The following DNAH11 variants were observed in gnomAD, a reference collection of about 807,000 sequenced individuals.
DNAH11 encodes the protein axonemal beta dynein heavy chain 11.
A neutral mutation model predicts 526.0 loss-of-function variants in DNAH11; 442 were observed. That is an observed-to-expected ratio of 0.84 (90% confidence interval 0.78 to 0.91). The LOEUF (loss-of-function observed/expected upper bound fraction) is 0.91, where lower values mean the gene tolerates loss of function less well. Ranked by LOEUF, DNAH11 falls within the 40% of genes least tolerant of loss-of-function variation. DNAH11 has a pLI of 0.00. For synonymous variants in DNAH11, 2,461 were observed against 1,935.9 expected (o/e 1.27, Z -7.12); for missense variants, 6,989 against 5,448.7 (o/e 1.28, Z -8.90).
At chr7:21,679,456 A>G (rs1187960184) in intron 30 of DNAH11, among the ~76,000 whole-genome samples, 1 of 152,214 alleles carries the variant, frequency 6.6e-6, no homozygotes, top group African/African-American at 2.4e-5. Flanking sequence ...TAGTTTCACA[A>G]TGTATACCTA....
At chr7:21,864,749 T>C (rs1210383166) in intron 70 of DNAH11, 92 bp downstream of exon 70, 1 of 1,247,262 alleles carries the variant, frequency 8.0e-7, no homozygotes, top group Non-Finnish European at 1.1e-6. Flanking sequence ...AGAATACAGG[T>C]GATGTATTAA....
chr7:21,589,102 G>T, intron 11 of DNAH11, 106 bp from the exon 12 acceptor site: 2 of 847,868 alleles, frequency 2.4e-6, no homozygotes, highest in Non-Finnish European at 3.3e-6. Context: ...TCTCTTCCTG[G>T]TTGTTTATAG....
intron 55 of DNAH11, among the ~76,000 whole-genome samples, 162 bp from the exon 56 acceptor site, chr7:21,773,604 A>C (rs898373351): frequency 6.6e-5 from 10 of 152,258 alleles, no homozygotes; most frequent in African/African-American, 2.4e-4. Context: ...TAATCTCCCA[A>C]ATCCTGTGGA....
intron 76 of DNAH11, among the ~76,000 whole-genome samples, chr7:21,889,681 C>A (rs368303599): frequency 2.0e-5 from 3 of 152,252 alleles, no homozygotes; most frequent in African/African-American, 7.2e-5. Context: ...TTCTCATTGG[C>A]CATTTGTGTA....
chr7:21,863,605 C>T (rs932418781), intron 69 of DNAH11, among the ~76,000 whole-genome samples: 2 of 151,996 alleles, frequency 1.3e-5, no homozygotes, highest in African/African-American at 4.8e-5. Context: ...GGATTACAGG[C>T]ATGAAATACT....
At chr7:21,679,503 A>G (rs1057170995) in intron 30 of DNAH11, among the ~76,000 whole-genome samples, 1 of 152,208 alleles carries the variant, frequency 6.6e-6, no homozygotes, top group African/African-American at 2.4e-5. Flanking sequence ...AAACGTATAC[A>G]ATTTTTGTTT....
At chr7:21,805,080 C>G (rs188617692) in intron 62 of DNAH11, among the ~76,000 whole-genome samples, 14 of 152,294 alleles carry the variant, frequency 9.2e-5, no homozygotes, top group Admixed American at 2.6e-4. Flanking sequence ...TTGTCAGGCC[C>G]TGCTGAAAGT....
At chr7:21,720,369 G>A (rs1323088263) in intron 43 of DNAH11, among the ~76,000 whole-genome samples, 1 of 151,624 alleles carries the variant, frequency 6.6e-6, no homozygotes, top group African/African-American at 2.4e-5. Context: ...TCAAGGAAGT[G>A]GATTATAGAA....
At chr7:21,794,898 G>C (rs1377431086) in intron 61 of DNAH11, among the ~76,000 whole-genome samples, 1 of 152,156 alleles carries the variant, frequency 6.6e-6, no homozygotes, top group Non-Finnish European at 1.5e-5. Flanking sequence ...AGTCTGGGGG[G>C]CATTTTCTAC....
chr7:21,602,810 T>C (rs1053686303), intron 18 of DNAH11, among the ~76,000 whole-genome samples: 5 of 152,228 alleles, frequency 3.3e-5, no homozygotes, highest in Non-Finnish European at 7.3e-5. Flanking sequence ...AAAATATGCC[T>C]CATGATCCCT....
intron 55 of DNAH11, among the ~76,000 whole-genome samples, chr7:21,773,383 CTT>C: frequency 6.9e-6 from 1 of 144,880 alleles, no homozygotes; most frequent in South Asian, 2.2e-4. Context: ...TATTGCTTCT[CTT>C]TGTCTAAAGC....
chr7:21,892,817 C>T, intron 77 of DNAH11, 150 bp downstream of exon 77: 2 of 927,890 alleles, frequency 2.2e-6, no homozygotes, highest in Non-Finnish European at 3.1e-6. Flanking sequence ...TTCCAACACT[C>T]CAGAAGGATA....
Position 21,738,825 on chromosome 7 carries a change from G to C in DNAH11, c.7770G>C (p.Gln2590His), listed in dbSNP as rs1785737740. ...AAGTGGACTTATATGGCACCGTTCA[G>C]CCTCACACCCTGATCCGGCAGCATA... ...MPEVDLYGTV[Q>H]PHTLIRQHID... The change falls in exon 47 of 82, where the codon CAG (glutamine) becomes CAC (histidine). Residue 2590 changes from glutamine to histidine, a missense_variant. By Grantham distance (24) the Gln-to-His change is conservative. Coordinates refer to ENST00000409508, the MANE Select transcript of DNAH11 (RefSeq NM_001277115.2). 6.2e-7 allele frequency: 1 copy of C among 1,606,004 alleles called. No individual in the cohort carries two copies. Among genetic ancestry groups the C allele is most frequent in the South Asian group, 1.1e-5 (1 of 88,744 alleles).
intron 20 of DNAH11, among the ~76,000 whole-genome samples, chr7:21,607,194 A>G (rs1256263650): frequency 6.6e-6 from 1 of 152,142 alleles, no homozygotes; most frequent in Non-Finnish European, 1.5e-5. Flanking sequence ...GCTGAAGAAC[A>G]TGGAGTCCAG....
chr7:21,613,702 G>T (rs1397692878), intron 20 of DNAH11, among the ~76,000 whole-genome samples: 1 of 152,188 alleles, frequency 6.6e-6, no homozygotes, highest in African/African-American at 2.4e-5. Flanking sequence ...AAAAGTGTGA[G>T]ATGATGAAGT....
At chr7:21,568,285 AGT>A (rs1562666909) in intron 6 of DNAH11, among the ~76,000 whole-genome samples, 1 of 152,074 alleles carries the variant, frequency 6.6e-6, no homozygotes, top group African/African-American at 2.4e-5. Flanking sequence ...GGTACCATTG[AGT>A]GTGCGATGAT....
At position 21,860,858 on chromosome 7, in the gene DNAH11, T is replaced by A. The variant is rs550178547; in HGVS notation, c.11203-995T>A. On this transcript the variant is annotated intron_variant, in intron 68 of 81. Coordinates refer to ENST00000409508, the MANE Select transcript of DNAH11 (RefSeq NM_001277115.2). Reference sequence around the variant, plus strand: ...AATCATGGTGGAAGGCGAAAGGCACTTCTTACATGGCAGCAGGCAAGACAG... The same window carrying A: ...AATCATGGTGGAAGGCGAAAGGCACATCTTACATGGCAGCAGGCAAGACAG... 9.9e-5 allele frequency among the ~76,000 whole-genome samples: 15 copies of A among 152,278 alleles called. No homozygotes were observed. In the South Asian group the frequency reaches 1.9e-3, roughly 19 times the overall value.
In DNAH11 at chr7:21,818,635, T is replaced by G. The variant is rs112780893; in HGVS notation, c.10691+296T>G. Among the ~76,000 whole-genome samples, 307 of 152,320 alleles carry G rather than the reference T, an allele frequency of 2.0e-3. 2 individuals carry two copies. Among genetic ancestry groups the G allele is most frequent in the African/African-American group, 7.0e-3 (289 of 41,580 alleles). On this transcript the variant is annotated intron_variant, in intron 65 of 81. Transcript: ENST00000409508. ...AAATTTATACCAATGTTTCTCTAAC[T>G]TCAGTAATTTGCAGAACACCTTGAA...
intron 31 of DNAH11, 98 bp downstream of exon 31, chr7:21,681,775 G>A (rs1562487707): frequency 6.9e-7 from 1 of 1,458,878 alleles, no homozygotes; most frequent in Admixed American, 1.7e-5. Flanking sequence ...TTTTTTGAAA[G>A]TTTGTATGTT....
Sources: allele counts gnomAD v4.1 joint callset (sites outside exome capture counted in the v4.1 genomes callset), GRCh38; gene constraint gnomAD v4.1.1; transcripts MANE v1.5; gene names NCBI Gene and HGNC (gene_info 2026-07-23, HGNC 2026-07-21).